Variants in DSG3 observed in about 807,000 individuals in gnomAD.
DSG3 encodes desmoglein 3, also known as desmoglein-3.
A neutral mutation model predicts 85.9 loss-of-function variants in DSG3; 63 were observed. That is an observed-to-expected ratio of 0.73 (90% CI 0.60 to 0.90). The LOEUF (loss-of-function observed/expected upper bound fraction) is 0.90, where lower values mean the gene tolerates loss of function less well. Among genes scored for constraint, DSG3 ranks in the 40% least tolerant of loss-of-function variants. The probability of loss-of-function intolerance (pLI) is 0.00; values close to 1 mark genes in which losing one functional copy is unlikely to be tolerated. For missense variants in DSG3, 1,220 were observed against 1,219.9 expected (o/e 1.00, Z 0.00); for synonymous variants, 447 against 441.9 (o/e 1.01, Z -0.14).
At chr18:31,468,312 T>C (rs2072834436) in intron 11 of DSG3, among the ~76,000 whole-genome samples, 1 of 152,042 alleles carries the variant, frequency 6.6e-6, no homozygotes, top group Non-Finnish European at 1.5e-5. Context: ...TCTTGATAAG[T>C]AAAACACAAG....
At chr18:31,452,517 C>CAAAAA (rs35886860) in intron 1 of DSG3, among the ~76,000 whole-genome samples, 2 of 51,832 alleles carry the variant, frequency 3.9e-5, no homozygotes, top group Admixed American at 2.6e-4. Flanking sequence ...GACTCCGTCT[C>CAAAAA]AAAAAAAAAA....
At position 31,459,997 on chromosome 18, in the gene DSG3, T is replaced by C. The variant is rs1371802636; in HGVS notation, c.670T>C (p.Ser224Pro). Residue 224 changes from serine to proline, a missense_variant, in exon 6 of 16, where the codon TCT becomes CCT. Ser to Pro is a moderately conservative substitution (Grantham distance 74). Transcript: ENST00000257189. The stretch of plus-strand genomic sequence containing the variant: ...TGGGGAAGTCCGTACTTTGACCAAT[T>C]CTCTTGACCGAGAGGTACAGCAAAG... ...NTGEVRTLTNSLDREQASSYR... is the reference protein window; with the variant it reads ...NTGEVRTLTNPLDREQASSYR... The C allele has an allele frequency of 6.2e-6, 10 of 1,613,434 alleles. No individual in the cohort carries two copies. Among genetic ancestry groups the C allele is most frequent in the Non-Finnish European group, 7.6e-6 (9 of 1,179,712 alleles).
At chr18:31,467,454 A>G (rs919699407) in intron 11 of DSG3, among the ~76,000 whole-genome samples, 10 of 152,276 alleles carry the variant, frequency 6.6e-5, no homozygotes, top group Non-Finnish European at 1.3e-4. Context: ...AGCATGAAGA[A>G]GTCAGTCTGC....
Position 31,475,914 on chromosome 18 carries a change from G to C in DSG3, c.2654G>C (p.Gly885Ala), listed in dbSNP as rs1193744130. The stretch of plus-strand genomic sequence containing the variant: ...AGCGGTTATGGGATTGAATCCTGTG[G>C]CCATCCCATAGAAGTCCAGCAGACA... ...KDSGYGIESC[G>A]HPIEVQQTGF... Residue 885 changes from glycine to alanine, a missense_variant, in exon 16 of 16, where the codon GGC becomes GCC. Transcript: ENST00000257189. 1 of 1,614,052 alleles carries C rather than the reference G, an allele frequency of 6.2e-7. No individual in the cohort carries two copies. The highest frequency in any genetic ancestry group is 1.3e-5 in the African/African-American group (1 of 74,904).
At chr18:31,457,353 T>C (rs1055931861) in intron 3 of DSG3, among the ~76,000 whole-genome samples, 3 of 152,028 alleles carry the variant, frequency 2.0e-5, no homozygotes, top group Non-Finnish European at 2.9e-5. Flanking sequence ...TTGAGACATA[T>C]TGACCAATTT....
Position 31,475,701 on chromosome 18 carries a change from T to G in DSG3, c.2441T>G (p.Leu814Trp). The change falls in exon 16 of 16, where the codon TTG (leucine) becomes TGG (tryptophan). Residue 814 changes from leucine (L) to tryptophan (W), a missense_variant. Transcript: ENST00000257189. ...GGCCAGGAAGCAAATGACTGCTTGTTGATCTATGATAATGAAGGCGCAGAT... is the reference window on the plus strand; with the variant it reads ...GGCCAGGAAGCAAATGACTGCTTGTGGATCTATGATAATGAAGGCGCAGAT... ...DDGQEANDCLLIYDNEGADAT... is the reference protein window; with the variant it reads ...DDGQEANDCLWIYDNEGADAT... 2 of 1,614,174 alleles carry G rather than the reference T, an allele frequency of 1.2e-6. No individual in the cohort carries two copies. Among genetic ancestry groups the G allele is most frequent in the Non-Finnish European group, 1.7e-6 (2 of 1,180,032 alleles).
At chr18:31,472,539 C>A in intron 13 of DSG3, 116 bp downstream of exon 13, 1 of 1,337,268 alleles carries the variant, frequency 7.5e-7, no homozygotes, top group Non-Finnish European at 1.0e-6. Flanking sequence ...AGAGTCAGTG[C>A]TGAATAGATG....
rs757775484 is a variant in DSG3, at chr18:31,464,333, A to G, written c.1222A>G (p.Thr408Ala). 12 of 1,614,012 alleles carry G rather than the reference A, an allele frequency of 7.4e-6. No homozygotes were observed. The highest frequency in any genetic ancestry group is 1.0e-5 in the Non-Finnish European group (12 of 1,180,010). The change falls in exon 9 of 16, where the codon ACA (threonine) becomes GCA (alanine). Residue 408 changes from threonine (T) to alanine (A), a missense_variant. By Grantham distance (58) the Thr-to-Ala change is moderately conservative. Coordinates refer to ENST00000257189, the MANE Select transcript of DSG3 (RefSeq NM_001944.3). Reference protein sequence around the residue: ...SKKLVDYILGTYQAIDEDTNK... With the variant: ...SKKLVDYILGAYQAIDEDTNK... ...AAAATTGGTGGATTATATCCTGGGAACATATCAAGCCATCGATGAGGACAC... is the reference window on the plus strand; with the variant it reads ...AAAATTGGTGGATTATATCCTGGGAGCATATCAAGCCATCGATGAGGACAC...
chr18:31,469,000 CCA>C, intron 11 of DSG3, 87 bp from the exon 12 acceptor site: 1 of 1,503,596 alleles, frequency 6.7e-7, no homozygotes, highest in Non-Finnish European at 9.1e-7. Context: ...TATGAATTAT[CCA>C]GTCTGTGATA....
chr18:31,467,871 AC>A (rs2072831658), intron 11 of DSG3, among the ~76,000 whole-genome samples: 1 of 152,178 alleles, frequency 6.6e-6, no homozygotes, highest in South Asian at 2.1e-4. Context: ...TTGGGCCCTC[AC>A]ACTTCTGACA....
intron 4 of DSG3, 62 bp from the exon 5 acceptor site, chr18:31,458,971 A>C (rs2072766396): frequency 1.3e-6 from 2 of 1,555,814 alleles, no homozygotes; most frequent in African/African-American, 1.4e-5. Flanking sequence ...TTATTTATAC[A>C]AGTTTTAATA....
At chr18:31,463,850 G>A (rs1598781447) in intron 8 of DSG3, among the ~76,000 whole-genome samples, 1 of 152,056 alleles carries the variant, frequency 6.6e-6, no homozygotes, top group Non-Finnish European at 1.5e-5. Context: ...TCTTTCCACT[G>A]CACCTCATAG....
rs188561678 is a variant in DSG3 at position 31,474,978 on chromosome 18, G to A, written c.2385+574G>A. Among the ~76,000 whole-genome samples the A allele has an allele frequency of 1.9e-3, 288 of 152,248 alleles. 1 individual carries two copies. The highest frequency in any genetic ancestry group is 3.1e-3 in the Non-Finnish European group (210 of 68,030). On this transcript the variant is annotated intron_variant, in intron 15 of 15. Transcript: ENST00000257189. ...CCTGTGTGTATATTTTCCTGAGAGA[G>A]GGGTAGAGTATTCACATTATCTGTC...
intron 2 of DSG3, 99 bp downstream of exon 2, chr18:31,456,574 A>G (rs1183399664): frequency 2.9e-5 from 17 of 584,048 alleles, no homozygotes; most frequent in Non-Finnish European, 4.2e-5. Flanking sequence ...TTCTAAAATT[A>G]TTCAATAATT....
intron 1 of DSG3, among the ~76,000 whole-genome samples, chr18:31,453,412 C>T (rs2072723040): frequency 7.2e-6 from 1 of 138,906 alleles, no homozygotes; most frequent in African/African-American, 2.9e-5. Flanking sequence ...AAGATCTCGG[C>T]CAAACTAAAG....
intron 9 of DSG3, among the ~76,000 whole-genome samples, chr18:31,464,875 A>G (rs1053497453): frequency 2.6e-5 from 4 of 152,118 alleles, no homozygotes; most frequent in Non-Finnish European, 5.9e-5. Context: ...AGTGGCTCAC[A>G]CCTGTAATCC....
At position 31,465,454 on chromosome 18, in the gene DSG3, G is replaced by A. The variant is rs183983864; in HGVS notation, c.1408G>A (p.Asp470Asn). ...AATCACAGCTGAGGTTCTGGCCATA[G>A]ATGGTAAGAAAAATATTTGAATCAT... ...KTITAEVLAIDEYTGKTSTGT... is the reference protein window; with the variant it reads ...KTITAEVLAINEYTGKTSTGT... Residue 470 changes from aspartate (D) to asparagine (N), a missense_variant, in exon 10 of 16, where the codon GAT (aspartate) becomes AAT (asparagine). Coordinates refer to ENST00000257189, the MANE Select transcript of DSG3 (RefSeq NM_001944.3). 1 of 1,482,326 alleles carries A rather than the reference G, an allele frequency of 6.7e-7. No homozygotes were observed. The highest frequency in any genetic ancestry group is 2.5e-5 in the East Asian group (1 of 40,640). The allele number at this position is 1,482,326 out of a possible 1,614,324, so 91.8% of individuals were successfully genotyped here. A position where few individuals can be genotyped will look rare whatever the true frequency, so the allele number is the denominator to read the frequency against.
rs1158935763 is a variant in DSG3 at position 31,476,219 on chromosome 18, A to G, written c.2959A>G (p.Thr987Ala). Residue 987 changes from threonine (T) to alanine (A), a missense_variant, in exon 16 of 16, where the codon ACT (threonine) becomes GCT (alanine). Thr to Ala is a moderately conservative substitution (Grantham distance 58). Transcript: ENST00000257189. ...CCCAACGCAGCTACGAGGGTCACAT[A>G]CTATGCTCTGTACAGAGGATCCTTG... ...AGPTQLRGSH[T>A]MLCTEDPCSR... 5 of 1,613,990 alleles carry G rather than the reference A, an allele frequency of 3.1e-6. No homozygotes were observed. The Admixed American group carries it at 8.3e-5, about 27-fold the overall frequency.
intron 10 of DSG3, 39 bp downstream of exon 10, chr18:31,465,496 CG>C (rs760043735): frequency 7.3e-7 from 1 of 1,370,760 alleles, no homozygotes; most frequent in South Asian, 2.2e-5. Context: ...GGAATGTTAT[CG>C]TAATTGATGT....
Sources: allele counts gnomAD v4.1 joint callset (sites outside exome capture counted in the v4.1 genomes callset), GRCh38; gene constraint gnomAD v4.1.1; transcripts MANE v1.5; gene names NCBI Gene and HGNC (gene_info 2026-07-23, HGNC 2026-07-21).